Variants in WNK3 observed in about 807,000 individuals in gnomAD.
WNK3 encodes WNK lysine deficient protein kinase 3.
In WNK3, 18 loss-of-function variants were observed where a neutral mutation model predicts 116.7. That is an observed-to-expected ratio of 0.15 (90% CI 0.11 to 0.23). The LOEUF (loss-of-function observed/expected upper bound fraction) is 0.23, where lower values mean the gene tolerates loss of function less well. Ranked by LOEUF, WNK3 falls within the 10% of genes least tolerant of loss-of-function variation. The probability of loss-of-function intolerance (pLI) is 1.00; values close to 1 mark genes in which losing one functional copy is unlikely to be tolerated. For synonymous variants in WNK3, 404 were observed against 469.4 expected (o/e 0.86, Z 1.80); for missense variants, 993 against 1,323.8 (o/e 0.75, Z 3.88).
At chrX:54,251,255 G>A (rs1284319187) in intron 15 of WNK3, 144 bp downstream of exon 15, 1 of 451,158 alleles carries the variant, frequency 2.2e-6, no homozygotes, top group African/African-American at 2.5e-5. Context: ...ATTACCTTTG[G>A]GCCTTTCAAA....
At chrX:54,200,883 G>A (rs1274205500) in intron 23 of WNK3, among the ~76,000 whole-genome samples, 2 of 111,859 alleles carry the variant, frequency 1.8e-5, no homozygotes, top group African/African-American at 6.5e-5. Context: ...GGTGCCACAA[G>A]TAAGATAAAT....
chrX:54,216,816 G>T, intron 22 of WNK3, among the ~76,000 whole-genome samples: 1 of 111,983 alleles, frequency 8.9e-6, no homozygotes, highest in Non-Finnish European at 1.9e-5. Flanking sequence ...TCACTAAACG[G>T]CACTAGCCCA....
intron 1 of WNK3, among the ~76,000 whole-genome samples, chrX:54,343,331 A>ACCC (rs1458743741): frequency 2.7e-5 from 3 of 109,688 alleles, no homozygotes; most frequent in Non-Finnish European, 3.8e-5. Flanking sequence ...AGCTGATGAA[A>ACCC]CCCCGTCTTT....
chrX:54,284,921 G>T (rs781961468), intron 10 of WNK3, among the ~76,000 whole-genome samples: 18 of 109,026 alleles, frequency 1.7e-4, no homozygotes, highest in African/African-American at 6.0e-4. Context: ...AGTGAGCCGA[G>T]ATCAAGCCAT....
At chrX:54,274,924 T>A (rs782552890) in intron 10 of WNK3, among the ~76,000 whole-genome samples, 13 of 106,866 alleles carry the variant, frequency 1.2e-4, no homozygotes, top group Non-Finnish European at 2.5e-4. Flanking sequence ...GGTAGGAGGA[T>A]TGCTTGAGCT....
chrX:54,253,890 G>T, intron 13 of WNK3, 69 bp downstream of exon 13: 1 of 731,517 alleles, frequency 1.4e-6, no homozygotes, highest in Non-Finnish European at 2.0e-6. Flanking sequence ...CAAAATAAAT[G>T]GAGACAGAAT....
At chrX:54,266,276 G>A (rs1414944082) in intron 10 of WNK3, among the ~76,000 whole-genome samples, 2 of 110,530 alleles carry the variant, frequency 1.8e-5, no homozygotes, top group East Asian at 2.8e-4. Context: ...GAAAGTAGAA[G>A]GATGGTTACC....
intron 2 of WNK3, among the ~76,000 whole-genome samples, chrX:54,323,736 T>C (rs1557172753): frequency 1.8e-5 from 2 of 111,534 alleles, no homozygotes; most frequent in African/African-American, 6.5e-5. Flanking sequence ...CGAACTCCAA[T>C]TTCTAAGCCT....
At chrX:54,240,748 C>G (rs1272782422) in intron 17 of WNK3, among the ~76,000 whole-genome samples, 1 of 111,505 alleles carries the variant, frequency 9.0e-6, no homozygotes, top group Non-Finnish European at 1.9e-5. Context: ...AGAATGCTTA[C>G]AAAACTCTAT....
intron 2 of WNK3, among the ~76,000 whole-genome samples, chrX:54,325,064 C>A (rs1441425341): frequency 8.9e-6 from 1 of 111,848 alleles, no homozygotes; most frequent in Admixed American, 9.6e-5. Flanking sequence ...TAAGCTGTTA[C>A]TTCCACTGCA....
chrX:54,252,874 C>G (rs2068150040), intron 13 of WNK3, among the ~76,000 whole-genome samples: 1 of 109,695 alleles, frequency 9.1e-6, no homozygotes, highest in South Asian at 3.9e-4. Flanking sequence ...GCATTATATG[C>G]ACTCTTCCTG....
intron 6 of WNK3, among the ~76,000 whole-genome samples, chrX:54,299,385 T>C (rs1445615616): frequency 9.0e-6 from 1 of 110,614 alleles, no homozygotes; most frequent in Non-Finnish European, 1.9e-5. Flanking sequence ...GTTGATTTTT[T>C]TGAAAAAGAA....
intron 22 of WNK3, among the ~76,000 whole-genome samples, chrX:54,206,888 G>C (rs1247928026): frequency 1.8e-5 from 2 of 111,083 alleles, no homozygotes; most frequent in African/African-American, 6.5e-5. Context: ...AAATTAGCTG[G>C]GGATGGTGGT....
chrX:54,232,846 C>T, exon 21 of WNK3: 2 of 1,211,355 alleles, frequency 1.7e-6, no homozygotes, highest in African/African-American at 1.7e-5. Flanking sequence ...GTGTCAAGGA[C>T]TGGGGGCGGC....
chrX:54,314,209 A>C (rs931651438), intron 2 of WNK3, among the ~76,000 whole-genome samples: 36 of 108,452 alleles, frequency 3.3e-4, no homozygotes, highest in African/African-American at 7.0e-4. Context: ...AAAAACAAAA[A>C]AAAAAAAAAC....
At position 54,220,391 on chromosome X, in the gene WNK3, T is replaced by TA. The variant is rs200473766; in HGVS notation, c.4870+8322dup. 1.0e-4 allele frequency among the ~76,000 whole-genome samples: 11 copies of TA among 106,596 alleles called. No individual in the cohort carries two copies. In the South Asian group the frequency reaches 2.1e-3, roughly 20 times the overall value. 92.6% of individuals were successfully genotyped at this position (106,596 alleles called of 115,157 possible). A position where few individuals can be genotyped will look rare whatever the true frequency, so the allele number is the denominator to read the frequency against. On this transcript the variant is annotated intron_variant, in intron 22 of 23. Transcript: ENST00000354646. ...CAACATAAGGAGACCCCATCTCTAT[T>TA]AAAAAAAAAATTAGCTGGGCATGGT...
chrX:54,296,782 G>A (rs978435778), intron 7 of WNK3, among the ~76,000 whole-genome samples: 2 of 110,761 alleles, frequency 1.8e-5, no homozygotes, highest in African/African-American at 6.6e-5. Context: ...ATGCTGCTGC[G>A]GCTCCTGCAC....
At chrX:54,275,412 CATAT>C (rs369887864) in intron 10 of WNK3, among the ~76,000 whole-genome samples, 78 of 44,411 alleles carry the variant, frequency 1.8e-3, no homozygotes, top group African/African-American at 7.0e-3. Flanking sequence ...GGTATAAGTT[CATAT>C]GTGTGTGTGT....
intron 22 of WNK3, among the ~76,000 whole-genome samples, chrX:54,212,312 TA>T (rs1255070957): frequency 3.0e-4 from 31 of 105,008 alleles, no homozygotes; most frequent in East Asian, 5.9e-4. Context: ...TATGCAAAGG[TA>T]AAAAAAAAAA....
Sources: gnomAD v4.1 joint callset for allele counts (sites outside exome capture counted in the v4.1 genomes callset) on GRCh38, gnomAD v4.1.1 for gene constraint, MANE v1.5 for transcripts, NCBI Gene and HGNC (gene_info 2026-07-23, HGNC 2026-07-21) for gene names.